The following DGKK variants were observed in gnomAD, a reference collection of about 807,000 sequenced individuals.
The protein encoded by DGKK is 142 kDa diacylglycerol kinase.
In DGKK, 35 loss-of-function variants were observed where a neutral mutation model predicts 92.2. The ratio of observed to expected loss-of-function variants is 0.38; its 90% confidence interval spans 0.29 to 0.50. The LOEUF (loss-of-function observed/expected upper bound fraction) is 0.50. Among genes scored for constraint, DGKK ranks in the 20% least tolerant of loss-of-function variants. The probability of loss-of-function intolerance (pLI) is 0.92; values close to 1 mark genes in which losing one functional copy is unlikely to be tolerated. For missense variants in DGKK, 910 were observed against 992.2 expected (o/e 0.92, Z 1.11); for synonymous variants, 368 against 360.6 (o/e 1.02, Z -0.23).
At chrX:50,458,277 C>A (rs1431002594) in intron 1 of DGKK, among the ~76,000 whole-genome samples, 1 of 110,439 alleles carries the variant, frequency 9.1e-6, no homozygotes, top group African/African-American at 3.3e-5. Context: ...ACATGAGATT[C>A]TACTGCTAAA....
intron 1 of DGKK, among the ~76,000 whole-genome samples, chrX:50,453,964 C>T (rs1447103857): frequency 9.4e-6 from 1 of 106,045 alleles, no homozygotes; most frequent in Non-Finnish European, 1.9e-5. Flanking sequence ...TTCACTTGTT[C>T]TCCCCCAGTT....
At position 50,422,544 on chromosome X, in the gene DGKK, A is replaced by G. The variant is rs781890796; in HGVS notation, c.757-18T>C. 1.7e-6 allele frequency: 2 copies of G among 1,172,950 alleles called. No homozygotes were observed. The highest frequency in any genetic ancestry group is 6.0e-5 in the East Asian group (2 of 33,262). On this transcript the variant is annotated intron_variant, in intron 2 of 27. Coordinates refer to ENST00000611977, the MANE Select transcript of DGKK (RefSeq NM_001013742.4). ...TGTGCAAACTGGAAAGATATAAGAC[A>G]GAGAGGGACAAGGAACCGTCTGGTT...
intron 8 of DGKK, among the ~76,000 whole-genome samples, chrX:50,400,189 T>A (rs781950525): frequency 8.9e-6 from 1 of 112,003 alleles, no homozygotes; most frequent in South Asian, 3.8e-4. Flanking sequence ...TAGCTCTTGT[T>A]TTTTTTCCTT....
intron 1 of DGKK, among the ~76,000 whole-genome samples, chrX:50,424,868 C>T (rs1925693985): frequency 1.8e-5 from 2 of 111,515 alleles, no homozygotes; most frequent in Non-Finnish European, 3.8e-5. Flanking sequence ...CCAGTCTTTA[C>T]CATGGTTTGT....
At chrX:50,448,869 C>T (rs989651830) in intron 1 of DGKK, among the ~76,000 whole-genome samples, 1 of 111,577 alleles carries the variant, frequency 9.0e-6, no homozygotes, top group East Asian at 2.8e-4. Flanking sequence ...ACTGCAGGAA[C>T]CTGTGAAGCA....
At chrX:50,447,106 C>T (rs782810753) in intron 1 of DGKK, among the ~76,000 whole-genome samples, 1 of 101,230 alleles carries the variant, frequency 9.9e-6, no homozygotes, top group African/African-American at 3.6e-5. Context: ...GAGGAAATAG[C>T]TCATAAAATT....
chrX:50,402,407 G>A (rs1410323682), intron 7 of DGKK, among the ~76,000 whole-genome samples: 1 of 111,622 alleles, frequency 9.0e-6, no homozygotes, highest in East Asian at 2.8e-4. Context: ...GGCATAGTGA[G>A]ACCCTGTCTC....
chrX:50,438,519 A>G, intron 1 of DGKK, among the ~76,000 whole-genome samples: 1 of 111,433 alleles, frequency 9.0e-6, no homozygotes, highest in Non-Finnish European at 1.9e-5. Flanking sequence ...TATCACACAC[A>G]CTGCCACTCT....
rs529236829 is a variant in DGKK at position 50,367,045 on chromosome X, T to C, written c.*1895A>G. ...CATTTGGGGACTATCCCCTTGTTAATATTTTTCTCCTCACCCCTGCGGAGG... is the reference window on the plus strand; with the variant it reads ...CATTTGGGGACTATCCCCTTGTTAACATTTTTCTCCTCACCCCTGCGGAGG... On this transcript the variant is annotated 3_prime_UTR_variant, in exon 28 of 28. Transcript: ENST00000611977. 6.2e-4 allele frequency: 70 copies of C among 112,486 alleles called. No individual in the cohort carries two copies. The highest frequency in any genetic ancestry group is 2.1e-3 in the African/African-American group (64 of 31,027). 9.3% of individuals were successfully genotyped at this position (112,486 alleles called of 1,213,427 possible). A position where few individuals can be genotyped will look rare whatever the true frequency, so the allele number is the denominator to read the frequency against.
chrX:50,379,315 C>CAAA (rs1214871132), intron 20 of DGKK, among the ~76,000 whole-genome samples: 2 of 38,804 alleles, frequency 5.2e-5, no homozygotes, highest in African/African-American at 1.9e-4. Flanking sequence ...GACTCCGTTT[C>CAAA]AAAAAAAAAA....
intron 25 of DGKK, among the ~76,000 whole-genome samples, chrX:50,374,266 C>T (rs1557223558): frequency 9.0e-6 from 1 of 111,637 alleles, no homozygotes; most frequent in Non-Finnish European, 1.9e-5. Context: ...GACAGAGAAA[C>T]ACAGAGAGAA....
In DGKK at chrX:50,370,506, A is replaced by C; in HGVS notation, c.3656T>G (p.Ile1219Ser). ...DTDSRSLRLK[I>S]KFPKLGKKKV... Reference sequence around the variant, plus strand: ...TTTCTTTCCCAATTTGGGGAACTTAATTTTCAGCCTGAGGCTTCTACTGTC... The same window carrying C: ...TTTCTTTCCCAATTTGGGGAACTTACTTTTCAGCCTGAGGCTTCTACTGTC... Residue 1219 changes from isoleucine (I) to serine (S), a missense_variant, in exon 27 of 28, where the codon ATT becomes AGT. By Grantham distance (142) the Ile-to-Ser change is moderately radical. Coordinates refer to ENST00000611977, the MANE Select transcript of DGKK (RefSeq NM_001013742.4). The C allele has an allele frequency of 8.4e-7, 1 of 1,196,196 alleles. No individual in the cohort carries two copies.
chrX:50,415,477 C>T (rs1288462466), intron 4 of DGKK, among the ~76,000 whole-genome samples: 1 of 111,457 alleles, frequency 9.0e-6, no homozygotes, highest in South Asian at 3.8e-4. Context: ...CTGCTGCTGC[C>T]CAGCACGGTA....
intron 12 of DGKK, 145 bp from the exon 13 acceptor site, chrX:50,388,763 A>T (rs939154191): frequency 2.6e-5 from 11 of 421,711 alleles, no homozygotes; most frequent in Non-Finnish European, 4.0e-5. Context: ...TGATCAAAGA[A>T]TTCTTGTTGA....
chrX:50,380,864 T>C (rs1557224376), intron 18 of DGKK, among the ~76,000 whole-genome samples: 2 of 111,837 alleles, frequency 1.8e-5, no homozygotes. Flanking sequence ...AGACACTGTT[T>C]AAACCATTCA....
At chrX:50,442,697 T>C (rs187986504) in intron 1 of DGKK, among the ~76,000 whole-genome samples, 1 of 111,451 alleles carries the variant, frequency 9.0e-6, no homozygotes, top group Admixed American at 9.5e-5. Context: ...AAACCATTTA[T>C]TATCTCAGTT....
At chrX:50,388,722 C>T (rs1177867054) in intron 12 of DGKK, 104 bp from the exon 13 acceptor site, 7 of 490,364 alleles carry the variant, frequency 1.4e-5, no homozygotes, top group East Asian at 7.9e-5. Flanking sequence ...TGACTCTACC[C>T]GCAACTCAAC....
In DGKK at chrX:50,370,554, G is replaced by T. The variant is rs1351992904; in HGVS notation, c.3613-5C>A. On this transcript the variant is annotated splice_polypyrimidine_tract_variant and splice_region_variant and intron_variant, in intron 26 of 27. Coordinates refer to ENST00000611977, the MANE Select transcript of DGKK (RefSeq NM_001013742.4). Reference sequence around the variant, plus strand: ...GTCAGTGTCCGAAGATTTTTCCTGAGAAACCACAAGAGGAAGGTCAAAATG... The same window carrying T: ...GTCAGTGTCCGAAGATTTTTCCTGATAAACCACAAGAGGAAGGTCAAAATG... 3 of 1,192,354 alleles carry T rather than the reference G, an allele frequency of 2.5e-6. No individual in the cohort carries two copies. In the Admixed American group the frequency reaches 6.9e-5, roughly 27 times the overall value.
At chrX:50,460,014 T>C (rs1464196173) in intron 1 of DGKK, among the ~76,000 whole-genome samples, 4 of 112,255 alleles carry the variant, frequency 3.6e-5, no homozygotes, top group African/African-American at 1.3e-4. Context: ...ATGTACATAA[T>C]AAATGCAAGT....
Sources: allele counts gnomAD v4.1 joint callset (sites outside exome capture counted in the v4.1 genomes callset), GRCh38; gene constraint gnomAD v4.1.1; transcripts MANE v1.5; gene names NCBI Gene and HGNC (gene_info 2026-07-23, HGNC 2026-07-21).